SLCO3A1: variants seen among roughly 807,000 people sequenced by gnomAD.
The protein encoded by SLCO3A1 is solute carrier organic anion transporter family member 3A1.
A neutral mutation model predicts 63.1 loss-of-function variants in SLCO3A1; 27 were observed. That is an observed-to-expected ratio of 0.43 (90% confidence interval 0.32 to 0.59). The LOEUF is 0.59. SLCO3A1 is among the 20% of genes least tolerant of loss of function. SLCO3A1 has a pLI of 0.09. For missense variants in SLCO3A1, 773 were observed against 945.8 expected (o/e 0.82, Z 2.40); for synonymous variants, 473 against 409.9 (o/e 1.15, Z -1.86).
downstream of SLCO3A1, among the ~76,000 whole-genome samples, chr15:92,170,262 A>C (rs1028325645): frequency 2.0e-5 from 3 of 152,160 alleles, no homozygotes; most frequent in Admixed American, 6.5e-5. Context: ...GAAGGATCCC[A>C]ACTGAACACA....
intron 1 of SLCO3A1, among the ~76,000 whole-genome samples, chr15:91,909,669 G>C (rs1207050421): frequency 6.6e-6 from 1 of 152,156 alleles, no homozygotes; most frequent in African/African-American, 2.4e-5. Flanking sequence ...TAAAATGCAG[G>C]CTCTCCACAC....
chr15:91,960,386 T>C (rs984440712), intron 2 of SLCO3A1, among the ~76,000 whole-genome samples: 1 of 152,198 alleles, frequency 6.6e-6, no homozygotes, highest in African/African-American at 2.4e-5. Flanking sequence ...CATTCAACCA[T>C]TGATGGACAT....
rs544995175 is a variant in SLCO3A1 at position 91,897,343 on chromosome 15, C to T, written c.181-18650C>T. Among the ~76,000 whole-genome samples, 107 of 152,154 alleles carry T rather than the reference C, an allele frequency of 7.0e-4. 1 individual carries two copies. Among genetic ancestry groups the T allele is most frequent in the African/African-American group, 2.4e-3 (101 of 41,520 alleles). ...GCGGGCACCTATAATCCCAGCTACT[C>T]AGGAGGCTGAGGCACGAGAATTGCT... On this transcript the variant is annotated intron_variant, in intron 1 of 9. Coordinates refer to ENST00000318445, the MANE Select transcript of SLCO3A1 (RefSeq NM_013272.4). The surrounding 1 kb of genome is among the most constrained non-coding windows in gnomAD (Gnocchi z 4.7).
chr15:91,874,147 TAAC>T (rs1402039841), intron 1 of SLCO3A1, among the ~76,000 whole-genome samples: 5 of 152,280 alleles, frequency 3.3e-5, no homozygotes, highest in African/African-American at 7.2e-5. Context: ...ACAGTAAGAT[TAAC>T]AACAATAATA....
At chr15:92,066,786 C>T (rs1407863855) in intron 2 of SLCO3A1, among the ~76,000 whole-genome samples, 1 of 152,212 alleles carries the variant, frequency 6.6e-6, no homozygotes, top group Non-Finnish European at 1.5e-5. Flanking sequence ...ATCAGTGTCA[C>T]CATCACTGCT....
At chr15:91,919,659 G>T (rs1445963315) in intron 2 of SLCO3A1, among the ~76,000 whole-genome samples, 4 of 152,074 alleles carry the variant, frequency 2.6e-5, no homozygotes, top group Admixed American at 2.0e-4. Context: ...CTGTCCTTCT[G>T]TTTCTCTAAG....
chr15:92,139,289 C>G (rs572000695), intron 7 of SLCO3A1, among the ~76,000 whole-genome samples: 2 of 144,956 alleles, frequency 1.4e-5, no homozygotes, highest in East Asian at 4.1e-4. Context: ...TATTGATTTG[C>G]GTATATTGAA....
intron 2 of SLCO3A1, among the ~76,000 whole-genome samples, chr15:92,039,829 G>A (rs1037708092): frequency 4.6e-5 from 7 of 152,292 alleles, no homozygotes; most frequent in Middle Eastern, 3.4e-3. Flanking sequence ...TGCCCATCAT[G>A]ATAGACTGGA....
At chr15:92,015,635 C>T (rs2046417660) in intron 2 of SLCO3A1, among the ~76,000 whole-genome samples, 2 of 152,086 alleles carry the variant, frequency 1.3e-5, no homozygotes, top group Non-Finnish European at 2.9e-5. Flanking sequence ...AGAGGCAGAA[C>T]AGTAAGCAAG....
In SLCO3A1 at chr15:91,894,530, T is replaced by G. The variant is rs1268092755; in HGVS notation, c.181-21463T>G. On this transcript the variant is annotated intron_variant, in intron 1 of 9. Coordinates refer to ENST00000318445, the MANE Select transcript of SLCO3A1 (RefSeq NM_013272.4). This position sits in a 1 kb window ranked among gnomAD's most constrained non-coding sequence, Gnocchi z 4.8. ...AAGGTAGGGCCAAGTGATGGGTGGA[T>G]TAGATGTCTGAAGGCAGCAGAGGCA... is the stretch of plus-strand genomic sequence containing the variant. Among the ~76,000 whole-genome samples the G allele has an allele frequency of 6.6e-6, 1 of 151,608 alleles. No individual in the cohort carries two copies. Among genetic ancestry groups the G allele is most frequent in the Non-Finnish European group, 1.5e-5 (1 of 67,900 alleles).
intron 5 of SLCO3A1, among the ~76,000 whole-genome samples, chr15:92,123,160 C>A (rs2047883275): frequency 6.6e-6 from 1 of 152,210 alleles, no homozygotes; most frequent in African/African-American, 2.4e-5. Flanking sequence ...CGTGGTGGCT[C>A]ACACCTGTAA....
At chr15:91,888,073 A>C (rs1897772107) in intron 1 of SLCO3A1, among the ~76,000 whole-genome samples, 1 of 152,216 alleles carries the variant, frequency 6.6e-6, no homozygotes, top group Non-Finnish European at 1.5e-5. Flanking sequence ...TTTTAAACCA[A>C]AGTAAAAGAG....
intron 1 of SLCO3A1, among the ~76,000 whole-genome samples, chr15:91,911,402 A>G (rs1898480694): frequency 6.6e-6 from 1 of 152,130 alleles, no homozygotes. Flanking sequence ...CGCATAGTCT[A>G]GACCCCACCC....
chr15:92,128,608 T>C, intron 7 of SLCO3A1, 119 bp downstream of exon 7: 6 of 845,938 alleles, frequency 7.1e-6, no homozygotes, highest in Non-Finnish European at 1.1e-5. Context: ...GTTGCCTTGC[T>C]GTAGTGGAAG....
intron 2 of SLCO3A1, among the ~76,000 whole-genome samples, chr15:91,949,721 T>C (rs1899934037): frequency 6.6e-6 from 1 of 151,970 alleles, no homozygotes; most frequent in South Asian, 2.1e-4. Context: ...GCCTTTAATA[T>C]AGAAGGCAGA....
intron 2 of SLCO3A1, among the ~76,000 whole-genome samples, chr15:92,045,492 T>C (rs2046850250): frequency 6.6e-6 from 1 of 152,194 alleles, no homozygotes; most frequent in Non-Finnish European, 1.5e-5. Flanking sequence ...GCTATTTATC[T>C]TCTGTAACCA....
chr15:92,077,918 C>T (rs2047298405), intron 2 of SLCO3A1, among the ~76,000 whole-genome samples: 1 of 152,176 alleles, frequency 6.6e-6, no homozygotes. Context: ...GGCTCCTACG[C>T]AGTTGTGTGG....
At chr15:92,009,016 A>G (rs185701846) in intron 2 of SLCO3A1, among the ~76,000 whole-genome samples, 4 of 152,322 alleles carry the variant, frequency 2.6e-5, no homozygotes, top group African/African-American at 7.2e-5. Flanking sequence ...AGAATGAAAA[A>G]TATATTACTT....
At chr15:91,981,240 A>G (rs2045980348) in intron 2 of SLCO3A1, among the ~76,000 whole-genome samples, 1 of 152,152 alleles carries the variant, frequency 6.6e-6, no homozygotes, top group South Asian at 2.1e-4. Context: ...TCTGCCAGCC[A>G]GGGGCTCCCA....
Sources: gnomAD v4.1 joint callset for allele counts (sites outside exome capture counted in the v4.1 genomes callset) on GRCh38, gnomAD v4.1.1 for gene constraint, Gnocchi (gnomAD v3.1) non-coding constraint, MANE v1.5 for transcripts, NCBI Gene and HGNC (gene_info 2026-07-23, HGNC 2026-07-21) for gene names.